Variants in SEMA3A observed in about 807,000 individuals in gnomAD.
SEMA3A encodes the protein semaphorin-3A.
A neutral mutation model predicts 97.9 loss-of-function variants in SEMA3A; 29 were observed. The ratio of observed to expected loss-of-function variants is 0.30; its 90% CI spans 0.22 to 0.40. The LOEUF is 0.40. Among genes scored for constraint, SEMA3A ranks in the 10% least tolerant of loss-of-function variants. The probability of loss-of-function intolerance (pLI) is 1.00; values close to 1 mark genes in which losing one functional copy is unlikely to be tolerated. For missense variants in SEMA3A, 763 were observed against 951.3 expected, an observed-to-expected ratio of 0.80 and a Z score of 2.60; for synonymous variants, 321 against 323.7, an observed-to-expected ratio of 0.99 and a Z score of 0.09.
intron 1 of SEMA3A, among the ~76,000 whole-genome samples, chr7:84,463,795 T>C (rs780161742): frequency 1.3e-5 from 2 of 151,724 alleles, no homozygotes; most frequent in Non-Finnish European, 2.9e-5. Context: ...CCACTTTTCC[T>C]CCCTCTTTCC....
intron 15 of SEMA3A, among the ~76,000 whole-genome samples, chr7:83,963,746 T>C (rs1356493533): frequency 6.6e-6 from 1 of 152,202 alleles, no homozygotes; most frequent in Non-Finnish European, 1.5e-5. Flanking sequence ...CAAAAAGTTA[T>C]TGGAATAAGT....
At position 84,427,923 on chromosome 7, in the gene SEMA3A, T is replaced by C. The variant is rs910652608; in HGVS notation, c.-245-56023A>G. ...GTATAATAAGTCTATATAGCATTGA[T>C]ATAGTAGGTCTATATCCAAGAATCA... On this transcript the variant is annotated intron_variant, in intron 1 of 3. Coordinates refer to the SEMA3A transcript ENST00000424555. Among the ~76,000 whole-genome samples the C allele has an allele frequency of 2.0e-5, 3 of 152,246 alleles. No individual in the cohort carries two copies. In the East Asian group the frequency reaches 5.8e-4, roughly 29 times the overall value.
chr7:84,366,181 C>A (rs1323366294), intron 2 of SEMA3A, among the ~76,000 whole-genome samples: 1 of 151,276 alleles, frequency 6.6e-6, no homozygotes, highest in East Asian at 1.9e-4. Context: ...CTTCACTTTA[C>A]CCCCTCTGAT....
intron 1 of SEMA3A, among the ~76,000 whole-genome samples, chr7:84,173,473 CG>C (rs1263714697): frequency 2.1e-5 from 3 of 145,380 alleles, no homozygotes; most frequent in Non-Finnish European, 3.0e-5. Flanking sequence ...ACAGGAGAAT[CG>C]GTTGAACCCG....
At chr7:84,323,214 C>T (rs1801693424) in intron 2 of SEMA3A, among the ~76,000 whole-genome samples, 2 of 152,172 alleles carry the variant, frequency 1.3e-5, no homozygotes, top group African/African-American at 4.8e-5. Context: ...TTTAATTAAA[C>T]TAATTGTGCG....
At chr7:84,490,253 C>A (rs1806687402) in intron 1 of SEMA3A, among the ~76,000 whole-genome samples, 1 of 146,174 alleles carries the variant, frequency 6.8e-6, no homozygotes. Flanking sequence ...ACCACCATTA[C>A]AAATCTTCTT....
rs1562769923 is a variant in SEMA3A, at chr7:84,086,471, G to GTATTATTATATTATATTTACATATAATA, written c.453+23971_453+23998dup. On this transcript the variant is annotated intron_variant, in intron 4 of 16. Transcript: ENST00000265362. ...ATATTATTATATTCATATATAATAT[G>GTATTATTATATTATATTTACATATAATA]TATTATTATATTATATTTACATATA... Among the ~76,000 whole-genome samples, 24 of 12,992 alleles carry GTATTATTATATTATATTTACATATAATA rather than the reference G, an allele frequency of 1.8e-3. 4 individuals are homozygous for GTATTATTATATTATATTTACATATAATA. The highest frequency in any genetic ancestry group is 0.012 in the East Asian group (14 of 1,188). 8.5% of individuals were successfully genotyped at this position (12,992 alleles called of 152,430 possible).
chr7:84,391,479 T>C (rs1803574882), intron 1 of SEMA3A, among the ~76,000 whole-genome samples: 1 of 151,806 alleles, frequency 6.6e-6, no homozygotes, highest in African/African-American at 2.4e-5. Context: ...GGAAGGAAAA[T>C]AGATAGAAAA....
chr7:83,981,454 C>A lies in SEMA3A; in HGVS notation c.1519G>T (p.Ala507Ser). Residue 507 changes from alanine to serine, a missense_variant, in exon 14 of 17, where the codon GCT becomes TCT. This residue lies in a region of SEMA3A where 678 missense variants were observed against 881.3 expected (regional missense o/e 0.77). Coordinates refer to ENST00000265362, the MANE Select transcript of SEMA3A (RefSeq NM_006080.3). ...KQQQLYIGSTAGVAQLPLHRC... is the reference protein window; with the variant it reads ...KQQQLYIGSTSGVAQLPLHRC... ...TGTAAAGGGAGCTGGGCAACCCCAG[C>A]CGTTGAACCAATATATAGTTGTTGC... The A allele has an allele frequency of 6.2e-7, 1 of 1,612,100 alleles. No individual in the cohort carries two copies. The highest frequency in any genetic ancestry group is 8.5e-7 in the Non-Finnish European group (1 of 1,179,258).
At chr7:84,189,817 G>A (rs904851145) in intron 1 of SEMA3A, among the ~76,000 whole-genome samples, 1 of 151,394 alleles carries the variant, frequency 6.6e-6, no homozygotes, top group Admixed American at 6.6e-5. Context: ...TAGAATTTAA[G>A]TATAATTGAC....
chr7:84,450,266 C>G (rs941285036), intron 1 of SEMA3A, among the ~76,000 whole-genome samples: 1 of 152,122 alleles, frequency 6.6e-6, no homozygotes, highest in Non-Finnish European at 1.5e-5. Context: ...CTTTTGATAA[C>G]AGACATCTGC....
In SEMA3A at chr7:84,319,335, A is replaced by G. The variant is rs985201186; in HGVS notation, c.-168-12043T>C. ...CAGCTCATTGGTGCTAGGCTCTAAG[A>G]AAGGGCAATTTTTGTAAAAAATGCA... On this transcript the variant is annotated intron_variant, in intron 2 of 3. Transcript: ENST00000424555. Among the ~76,000 whole-genome samples the G allele has an allele frequency of 1.2e-4, 18 of 152,128 alleles. No homozygotes were observed. In the East Asian group the frequency reaches 3.5e-3, roughly 29 times the overall value.
intron 3 of SEMA3A, among the ~76,000 whole-genome samples, chr7:84,115,173 A>T (rs191210063): frequency 9.9e-5 from 15 of 152,222 alleles, no homozygotes; most frequent in African/African-American, 3.6e-4. Flanking sequence ...GTATGTAGGC[A>T]TATTCATAAT....
intron 3 of SEMA3A, among the ~76,000 whole-genome samples, chr7:84,243,760 A>T (rs186378815): frequency 2.1e-4 from 32 of 151,904 alleles, no homozygotes; most frequent in African/African-American, 7.7e-4. Flanking sequence ...CCCTCTAAAC[A>T]CTGCTTTAGC....
intron 3 of SEMA3A, among the ~76,000 whole-genome samples, chr7:84,295,592 C>G (rs559354907): frequency 6.6e-6 from 1 of 151,934 alleles, no homozygotes; most frequent in Non-Finnish European, 1.5e-5. Context: ...CGTCCTTATA[C>G]TTAAATAAAT....
intron 1 of SEMA3A, among the ~76,000 whole-genome samples, chr7:84,431,017 C>T (rs893166727): frequency 4.0e-5 from 6 of 151,854 alleles, no homozygotes; most frequent in Non-Finnish European, 7.4e-5. Context: ...ATAACATTTT[C>T]AAGAAGTTTA....
chr7:84,084,735 G>A (rs1794277301), intron 4 of SEMA3A, among the ~76,000 whole-genome samples: 2 of 151,984 alleles, frequency 1.3e-5, no homozygotes, highest in Non-Finnish European at 2.9e-5. Context: ...GACATAAAAA[G>A]TTCTTTTAAA....
chr7:84,401,921 G>A (rs1412492206), intron 1 of SEMA3A, among the ~76,000 whole-genome samples: 1 of 152,112 alleles, frequency 6.6e-6, no homozygotes, highest in African/African-American at 2.4e-5. Flanking sequence ...ACAGAGAAAT[G>A]CTTCAGGATG....
intron 1 of SEMA3A, among the ~76,000 whole-genome samples, chr7:84,492,084 G>T (rs1462756930): frequency 1.3e-5 from 2 of 152,084 alleles, no homozygotes; most frequent in Admixed American, 1.3e-4. Context: ...TTCAAGAAGG[G>T]TATGTGCTTT....
Sources: gnomAD v4.1 joint callset for allele counts (sites outside exome capture counted in the v4.1 genomes callset) on GRCh38, gnomAD v4.1.1 for gene constraint, gnomAD v4.1.1 regional missense constraint, MANE v1.5 for transcripts, NCBI Gene and HGNC (gene_info 2026-07-23, HGNC 2026-07-21) for gene names.